Variants in COA5 observed in about 807,000 individuals in gnomAD.
COA5 encodes cytochrome c oxidase assembly factor 5.
In COA5, 11 loss-of-function variants were observed where a neutral mutation model predicts 11.8. The observed-to-expected ratio is 0.93, with a 90% CI of 0.59 to 1.54. The LOEUF is 1.54. Ranked by LOEUF, COA5 falls within the 40% of genes most tolerant of loss-of-function variation. The pLI is 0.00. For missense variants in COA5, 87 were observed against 89.2 expected, an observed-to-expected ratio of 0.97 and a Z score of 0.10; for synonymous variants, 38 against 37.5, an observed-to-expected ratio of 1.01 and a Z score of -0.05.
rs1170963252 is a variant in COA5, at chr2:98,608,126, C to A, written c.99+181G>T. 4.9e-6 allele frequency: 3 copies of A among 616,330 alleles called. No homozygotes were observed. In the East Asian group the frequency reaches 8.2e-5, roughly 17 times the overall value. The allele number at this position is 616,330 out of a possible 1,614,324, so 38.2% of individuals were successfully genotyped here. A position where few individuals can be genotyped will look rare whatever the true frequency, so the allele number is the denominator to read the frequency against. ...CGTTTATCGTTATCTCCGATTTAAC[C>A]CCACAGGGAACTGGGGCTCCGACAG... On this transcript the variant is annotated intron_variant, in intron 1 of 2. Transcript: ENST00000328709.
At chr2:98,607,224 A>G (rs537998137) in intron 1 of COA5, among the ~76,000 whole-genome samples, 1 of 152,326 alleles carries the variant, frequency 6.6e-6, no homozygotes, top group African/African-American at 2.4e-5. Flanking sequence ...CACCAGTGTC[A>G]GGTACCATGC....
In COA5 at chr2:98,600,743, C is replaced by A; in HGVS notation, c.*9G>T. 6.2e-7 allele frequency: 1 copy of A among 1,609,242 alleles called. No individual in the cohort carries two copies. The highest frequency in any genetic ancestry group is 8.5e-7 in the Non-Finnish European group (1 of 1,176,356). The stretch of plus-strand genomic sequence containing the variant: ...TTGTTGTTTTCCATGTTGGCTTCAA[C>A]ATAATGCATCAATATCCTTTTCTTC... On this transcript the variant is annotated 3_prime_UTR_variant, in exon 3 of 3. Transcript: ENST00000328709.
intron 1 of COA5, among the ~76,000 whole-genome samples, chr2:98,607,485 T>G (rs751751502): frequency 1.3e-5 from 2 of 152,232 alleles, no homozygotes; most frequent in Non-Finnish European, 2.9e-5. Flanking sequence ...GTAGAAACAC[T>G]GGTACAGTCT....
At chr2:98,607,102 GT>G (rs1048016401) in intron 1 of COA5, among the ~76,000 whole-genome samples, 24 of 152,156 alleles carry the variant, frequency 1.6e-4, no homozygotes, top group African/African-American at 5.6e-4. Context: ...TTAAACACAT[GT>G]TTAATAAATG....
chr2:98,608,169 C>A, intron 1 of COA5, 138 bp downstream of exon 1: 4 of 688,398 alleles, frequency 5.8e-6, no homozygotes, highest in South Asian at 4.8e-5. Flanking sequence ...GATCTGCGCA[C>A]GTTCAGTGAG....
Position 98,604,115 on chromosome 2 carries a change from C to CT in COA5, c.175dup (p.Arg59LysfsTer6), listed in dbSNP as rs1252334861. On this transcript the variant is annotated frameshift_variant, in exon 2 of 3. Transcript: ENST00000328709. LOFTEE classifies it high-confidence loss of function. ...AAATCTTTAACCACTTACCACTGATCTTTTACACTCAAAAAATGCGTACTT... is the reference window on the plus strand; with the variant it reads ...AAATCTTTAACCACTTACCACTGATCTTTTTACACTCAAAAAATGCGTACTT... The CT allele has an allele frequency of 6.2e-7, 1 of 1,613,094 alleles. No individual in the cohort carries two copies. The highest frequency in any genetic ancestry group is 1.3e-5 in the African/African-American group (1 of 74,898).
intron 2 of COA5, among the ~76,000 whole-genome samples, chr2:98,602,220 T>A (rs1022694986): frequency 3.3e-5 from 5 of 152,244 alleles, no homozygotes; most frequent in African/African-American, 1.2e-4. Context: ...TTTAATAGCA[T>A]ACAAAATTAC....
intron 1 of COA5, among the ~76,000 whole-genome samples, chr2:98,606,841 C>G (rs1700712724): frequency 6.6e-6 from 1 of 152,224 alleles, no homozygotes; most frequent in Non-Finnish European, 1.5e-5. Context: ...ACCTTCCCCT[C>G]AGGCCTTCTG....
Position 98,605,233 on chromosome 2 carries a change from G to A in COA5, c.100-1042C>T, listed in dbSNP as rs1253532330. ...TATGGCTGGGTGAGATCTCCTAGAC[G>A]CCCTTGCATCTAGCTGTGGTCCTGT... On this transcript the variant is annotated intron_variant, in intron 1 of 2. Transcript: ENST00000328709. 3.9e-5 allele frequency among the ~76,000 whole-genome samples: 6 copies of A among 152,216 alleles called. No homozygotes were observed. The East Asian group carries it at 7.7e-4, about 20-fold the overall frequency.
At chr2:98,601,087 A>C (rs553981303) in intron 2 of COA5, among the ~76,000 whole-genome samples, 178 of 152,182 alleles carry the variant, frequency 1.2e-3, no homozygotes, top group African/African-American at 4.2e-3. Context: ...CTACTAAAAA[A>C]CACAAAAATT....
intron 1 of COA5, chr2:98,604,547 G>A (rs1370781332): frequency 1.6e-5 from 4 of 253,454 alleles, no homozygotes; most frequent in South Asian, 9.2e-5. Flanking sequence ...GTGTTGGCAC[G>A]AAACACTTCA....
intron 1 of COA5, among the ~76,000 whole-genome samples, chr2:98,606,822 C>T (rs1346491498): frequency 9.9e-5 from 15 of 152,236 alleles, no homozygotes. Context: ...GCCTTCACAC[C>T]TGGCTGCAAC....
At chr2:98,602,936 T>A (rs919792530) in intron 2 of COA5, among the ~76,000 whole-genome samples, 6 of 152,158 alleles carry the variant, frequency 3.9e-5, no homozygotes, top group African/African-American at 1.4e-4. Context: ...GGGTAACAAA[T>A]CTATGTGAGA....
Position 98,600,650 on chromosome 2 carries a change from C to G in COA5, c.*102G>C. 9.8e-7 allele frequency: 1 copy of G among 1,017,472 alleles called. No homozygotes were observed. The highest frequency in any genetic ancestry group is 1.5e-6 in the Non-Finnish European group (1 of 660,386). The allele number at this position is 1,017,472 out of a possible 1,614,324, so 63.0% of individuals were successfully genotyped here. On this transcript the variant is annotated 3_prime_UTR_variant, in exon 3 of 3. Transcript: ENST00000328709. Reference sequence around the variant, plus strand: ...TCCACGGAGGGGAAATCTGGTCCAACCAAACAGATGTAGTAAAAAGTATGT... The same window carrying G: ...TCCACGGAGGGGAAATCTGGTCCAAGCAAACAGATGTAGTAAAAAGTATGT...
chr2:98,608,512 C>T lies in COA5; in HGVS notation c.-107G>A. 1 of 882,358 alleles carries T rather than the reference C, an allele frequency of 1.1e-6. No homozygotes were observed. Among genetic ancestry groups the T allele is most frequent in the Non-Finnish European group, 1.8e-6 (1 of 549,388 alleles). The allele number at this position is 882,358 out of a possible 1,614,324, so 54.7% of individuals were successfully genotyped here. A position where few individuals can be genotyped will look rare whatever the true frequency, so the allele number is the denominator to read the frequency against. On this transcript the variant is annotated 5_prime_UTR_variant, in exon 1 of 3. Coordinates refer to ENST00000328709, the MANE Select transcript of COA5 (RefSeq NM_001008215.3). ...GTCTCAGGGGACCGGAAGCCAGCGG[C>T]AACAACTTCCGGCGGGCCGCGGCGG...
chr2:98,601,275 T>C (rs572374460), intron 2 of COA5, among the ~76,000 whole-genome samples: 2 of 152,034 alleles, frequency 1.3e-5, no homozygotes, highest in African/African-American at 2.4e-5. Flanking sequence ...GCATTAAAAA[T>C]AGAAGTTCCG....
intron 1 of COA5, among the ~76,000 whole-genome samples, chr2:98,607,300 G>A (rs1700720021): frequency 6.6e-6 from 1 of 152,198 alleles, no homozygotes. Context: ...AGGGGCAGAA[G>A]GGACACAGCC....
In COA5 at chr2:98,608,426, G is replaced by A. The variant is rs1294833316; in HGVS notation, c.-21C>T. Reference sequence around the variant, plus strand: ...GGCATGACGGCGCTTCCCCTCCGATGCGGACGCGACTTTCTCCCACCGCAA... The same window carrying A: ...GGCATGACGGCGCTTCCCCTCCGATACGGACGCGACTTTCTCCCACCGCAA... On this transcript the variant is annotated 5_prime_UTR_variant, in exon 1 of 3. Coordinates refer to ENST00000328709, the MANE Select transcript of COA5 (RefSeq NM_001008215.3). 1 of 1,559,000 alleles carries A rather than the reference G, an allele frequency of 6.4e-7. No individual in the cohort carries two copies. Among genetic ancestry groups the A allele is most frequent in the Non-Finnish European group, 8.7e-7 (1 of 1,149,008 alleles).
At chr2:98,603,628 A>G (rs1700673287) in intron 2 of COA5, among the ~76,000 whole-genome samples, 2 of 152,244 alleles carry the variant, frequency 1.3e-5, no homozygotes, top group Admixed American at 1.3e-4. Context: ...CTTCCAAATC[A>G]AAGAATGTTA....
Sources: allele counts gnomAD v4.1 joint callset (sites outside exome capture counted in the v4.1 genomes callset), GRCh38; gene constraint gnomAD v4.1.1; transcripts MANE v1.5; gene names NCBI Gene and HGNC (gene_info 2026-07-23, HGNC 2026-07-21).